The following ITPK1 variants were observed in gnomAD, a reference collection of about 807,000 sequenced individuals.
ITPK1 encodes the protein inositol 1,3,4-trisphosphate 5/6-kinase.
ITPK1 carries 21 observed loss-of-function variants against 45.3 expected under a neutral mutation model. The ratio of observed to expected loss-of-function variants is 0.46; its 90% CI spans 0.33 to 0.67. ITPK1 has a LOEUF of 0.67. ITPK1 is among the 30% of genes least tolerant of loss of function. The pLI is 0.02. For missense variants in ITPK1, 474 were observed against 573.5 expected, an observed-to-expected ratio of 0.83 and a Z score of 1.77; for synonymous variants, 258 against 253.6, an observed-to-expected ratio of 1.02 and a Z score of -0.16.
intron 5 of ITPK1, among the ~76,000 whole-genome samples, chr14:92,987,433 C>A (rs1886547674): frequency 6.6e-6 from 1 of 152,122 alleles, no homozygotes; most frequent in African/African-American, 2.4e-5. Flanking sequence ...TCCGAGATTC[C>A]CAGGTCCTGG....
At chr14:93,038,816 C>T (rs1469819653) in intron 3 of ITPK1, among the ~76,000 whole-genome samples, 2 of 152,194 alleles carry the variant, frequency 1.3e-5, no homozygotes, top group African/African-American at 4.8e-5. Context: ...CGTGAGCCAC[C>T]GCACCCAGCC....
intron 3 of ITPK1, among the ~76,000 whole-genome samples, chr14:93,052,096 T>G (rs891596699): frequency 6.6e-6 from 1 of 152,204 alleles, no homozygotes; most frequent in Non-Finnish European, 1.5e-5. Flanking sequence ...GAGATTTGGG[T>G]GGCAGAGTCC....
intron 2 of ITPK1, among the ~76,000 whole-genome samples, chr14:93,103,845 A>G (rs1892418802): frequency 6.6e-6 from 1 of 152,114 alleles, no homozygotes; most frequent in Non-Finnish European, 1.5e-5. Flanking sequence ...ATGAAAGTGA[A>G]ACTGCCACAG....
chr14:93,013,187 G>A (rs1319200366), intron 4 of ITPK1, among the ~76,000 whole-genome samples: 1 of 152,234 alleles, frequency 6.6e-6, no homozygotes, highest in Non-Finnish European at 1.5e-5. Context: ...GGGGCAACAG[G>A]CTGCTGGCTC....
chr14:93,007,153 T>C (rs1205763368), intron 4 of ITPK1, among the ~76,000 whole-genome samples: 3 of 152,106 alleles, frequency 2.0e-5, no homozygotes, highest in African/African-American at 4.8e-5. Context: ...CTGCCCAAGG[T>C]CACACGGAGC....
intron 3 of ITPK1, among the ~76,000 whole-genome samples, chr14:93,050,451 G>A (rs1248527691): frequency 6.6e-6 from 1 of 152,134 alleles, no homozygotes; most frequent in African/African-American, 2.4e-5. Flanking sequence ...TTCTCCAAGA[G>A]CCCCCAAGTG....
intron 3 of ITPK1, among the ~76,000 whole-genome samples, chr14:93,030,322 A>G (rs1318147753): frequency 6.6e-6 from 1 of 152,280 alleles, no homozygotes; most frequent in East Asian, 1.9e-4. Context: ...TTACTGCTTC[A>G]TGAATCACAC....
chr14:92,997,205 T>G (rs1887099298), intron 4 of ITPK1, among the ~76,000 whole-genome samples: 1 of 152,192 alleles, frequency 6.6e-6, no homozygotes, highest in Admixed American at 6.5e-5. Flanking sequence ...AACACAGATG[T>G]GCTCCTTCCT....
At chr14:93,096,140 A>G (rs1374387905) in intron 2 of ITPK1, among the ~76,000 whole-genome samples, 1 of 152,024 alleles carries the variant, frequency 6.6e-6, no homozygotes, top group Non-Finnish European at 1.5e-5. Context: ...CCAACACACC[A>G]AGCTCCGGCT....
chr14:93,019,451 C>T (rs780152067), intron 3 of ITPK1, among the ~76,000 whole-genome samples: 2 of 152,228 alleles, frequency 1.3e-5, no homozygotes, highest in African/African-American at 4.8e-5. Context: ...GCTCTGGAAA[C>T]GGGCCACCCT....
At chr14:93,006,992 C>T (rs56362256) in intron 4 of ITPK1, among the ~76,000 whole-genome samples, 31,364 of 152,220 alleles carry the variant, frequency 0.21, 3,942 homozygotes, top group East Asian at 0.31. Flanking sequence ...AGCACCATCA[C>T]ACTAGTCAGG....
chr14:93,094,076 C>G (rs118180423), intron 2 of ITPK1, among the ~76,000 whole-genome samples: 1 of 152,222 alleles, frequency 6.6e-6, no homozygotes, highest in Non-Finnish European at 1.5e-5. Flanking sequence ...GGTCTGGGGG[C>G]ATCCCAGCTC....
At chr14:92,952,962 C>T (rs1024123388) in intron 8 of ITPK1, among the ~76,000 whole-genome samples, 26 of 152,234 alleles carry the variant, frequency 1.7e-4, no homozygotes, top group Non-Finnish European at 2.8e-4. Context: ...GGCACGGGAC[C>T]GTCCTGGGCC....
chr14:93,010,906 T>C (rs1408837349), intron 4 of ITPK1, among the ~76,000 whole-genome samples: 1 of 150,768 alleles, frequency 6.6e-6, no homozygotes, highest in Non-Finnish European at 1.5e-5. Context: ...TGACTGACCC[T>C]TACACACACG....
chr14:93,082,197 A>G (rs757859407), intron 2 of ITPK1, among the ~76,000 whole-genome samples: 2 of 152,196 alleles, frequency 1.3e-5, no homozygotes, highest in African/African-American at 2.4e-5. Context: ...CCTAAGAACC[A>G]GAAATAGTTG....
chr14:93,043,225 G>A (rs985275727), intron 3 of ITPK1, among the ~76,000 whole-genome samples: 1 of 152,174 alleles, frequency 6.6e-6, no homozygotes, highest in African/African-American at 2.4e-5. Context: ...CTGGGGCTCA[G>A]AGAAGCAAAA....
intron 3 of ITPK1, among the ~76,000 whole-genome samples, chr14:93,047,980 AACC>A (rs1889852961): frequency 2.0e-5 from 3 of 152,232 alleles, no homozygotes; most frequent in Admixed American, 2.0e-4. Flanking sequence ...AATGGCCTGA[AACC>A]TGCCAGACCT....
intron 8 of ITPK1, among the ~76,000 whole-genome samples, chr14:92,952,660 C>T (rs572543539): frequency 4.6e-5 from 7 of 152,218 alleles, no homozygotes; most frequent in Admixed American, 1.3e-4. Context: ...TCACCCCACA[C>T]GTCTGGCTCC....
intron 5 of ITPK1, among the ~76,000 whole-genome samples, chr14:92,977,862 A>C (rs866442305): frequency 1.3e-5 from 2 of 151,964 alleles, no homozygotes; most frequent in Non-Finnish European, 2.9e-5. Context: ...AGAACAAACT[A>C]ATACAGAAAA....
Sources: allele counts gnomAD v4.1 joint callset (sites outside exome capture counted in the v4.1 genomes callset), GRCh38; gene constraint gnomAD v4.1.1; transcripts MANE v1.5; gene names NCBI Gene and HGNC (gene_info 2026-07-23, HGNC 2026-07-21).